The following THAP3 variants were observed in gnomAD, a reference collection of about 807,000 sequenced individuals.
THAP3 encodes THAP domain containing 3.
Under a neutral mutation model 17.7 loss-of-function variants are expected in THAP3, and 12 were observed. That is an observed-to-expected ratio of 0.68 (90% CI 0.43 to 1.10). THAP3 has a LOEUF of 1.10. Among genes scored for constraint, THAP3 ranks in the 50% least tolerant of loss-of-function variants. The probability of loss-of-function intolerance (pLI) is 0.00; values close to 1 mark genes in which losing one functional copy is unlikely to be tolerated. For synonymous variants in THAP3, 133 were observed against 126.9 expected, an observed-to-expected ratio of 1.05 and a Z score of -0.32; for missense variants, 289 against 318.0, an observed-to-expected ratio of 0.91 and a Z score of 0.69.
chr1:6,627,013 A>G (rs1480869611), intron 2 of THAP3, among the ~76,000 whole-genome samples: 1 of 152,192 alleles, frequency 6.6e-6, no homozygotes, highest in South Asian at 2.1e-4. Flanking sequence ...TCACATCACT[A>G]GTGAGCCTTG....
chr1:6,630,228 C>G, intron 3 of THAP3, 60 bp from the exon 4 acceptor site: 1 of 1,497,110 alleles, frequency 6.7e-7, no homozygotes, highest in South Asian at 1.1e-5. Flanking sequence ...ATGCCCGAGG[C>G]CTGCCCCGAG....
chr1:6,630,458 C>A, intron 4 of THAP3, 105 bp downstream of exon 4: 1 of 1,095,802 alleles, frequency 9.1e-7, no homozygotes, highest in Non-Finnish European at 1.4e-6. Flanking sequence ...TGTCGCCTTT[C>A]CTCATATGCC....
rs189625793 is a variant in THAP3, at chr1:6,629,197, G to A, written c.267+506G>A. Among the ~76,000 whole-genome samples the A allele has an allele frequency of 2.4e-3, 370 of 152,286 alleles. 1 individual carries two copies. Among genetic ancestry groups the A allele is most frequent in the African/African-American group, 8.2e-3 (342 of 41,572 alleles). ...GATGTGTGGGCCTGGCTCAGGAGAG[G>A]GCTCACAAAGAGTTGGATGCTGAAG... On this transcript the variant is annotated intron_variant, in intron 3 of 5. Coordinates refer to ENST00000054650, the MANE Select transcript of THAP3 (RefSeq NM_001195753.2).
At chr1:6,625,065 G>C (rs1256981135) in intron 1 of THAP3, 85 bp from the exon 2 acceptor site, 1 of 809,162 alleles carries the variant, frequency 1.2e-6, no homozygotes, top group East Asian at 3.2e-5. Context: ...GGGGAGACGC[G>C]GGTGGCTGGG....
chr1:6,632,530 C>T lies in THAP3; in HGVS notation c.438+35C>T, dbSNP rs372206556. 8.3e-5 allele frequency: 134 copies of T among 1,612,824 alleles called. No individual in the cohort carries two copies. In the African/African-American group the frequency reaches 1.6e-3, roughly 20 times the overall value. On this transcript the variant is annotated intron_variant, in intron 5 of 5. Coordinates refer to ENST00000054650, the MANE Select transcript of THAP3 (RefSeq NM_001195753.2). The stretch of plus-strand genomic sequence containing the variant: ...AGTGCAAAGGTGGTCTGTGGTTGGA[C>T]ACAAGATGACTTGCTCCAAACAAAA...
At position 6,633,230 on chromosome 1, in the gene THAP3, C is replaced by T. The variant is rs988691020; in HGVS notation, c.*153C>T. The T allele has an allele frequency of 1.5e-5, 21 of 1,444,480 alleles. No individual in the cohort carries two copies. The highest frequency in any genetic ancestry group is 1.1e-4 in the Admixed American group (4 of 35,408). 89.5% of individuals were successfully genotyped at this position (1,444,480 alleles called of 1,614,324 possible). On this transcript the variant is annotated 3_prime_UTR_variant, in exon 6 of 6. Transcript: ENST00000054650. Reference sequence around the variant, plus strand: ...GGATCGAGACAGTAGCCAAGCTCCCCGGCGAGAGCCCCAATGCCGTCTGGG... The same window carrying T: ...GGATCGAGACAGTAGCCAAGCTCCCTGGCGAGAGCCCCAATGCCGTCTGGG...
intron 2 of THAP3, among the ~76,000 whole-genome samples, chr1:6,627,163 C>T (rs764895893): frequency 6.6e-6 from 1 of 152,166 alleles, no homozygotes; most frequent in Non-Finnish European, 1.5e-5. Flanking sequence ...ATTTCCAGCA[C>T]TAAGTGTTGG....
At chr1:6,628,379 G>C (rs1641518153) in intron 2 of THAP3, 120 bp from the exon 3 acceptor site, 5 of 766,004 alleles carry the variant, frequency 6.5e-6, no homozygotes, top group Non-Finnish European at 8.1e-6. Context: ...AATAAACCGA[G>C]AGGACTGAAT....
chr1:6,633,385 C>G lies in THAP3; in HGVS notation c.*308C>G, dbSNP rs1570252584. On this transcript the variant is annotated 3_prime_UTR_variant, in exon 6 of 6. Transcript: ENST00000054650. ...CTTTCAGCACACGCAGAGCAAAGAT[C>G]GTTGGAAGCCCCAGTGTGGGAGATG... 6.5e-6 allele frequency: 8 copies of G among 1,235,886 alleles called. No individual in the cohort carries two copies. The highest frequency in any genetic ancestry group is 6.1e-6 in the Non-Finnish European group (6 of 978,882). The allele number at this position is 1,235,886 out of a possible 1,614,324, so 76.6% of individuals were successfully genotyped here. A position where few individuals can be genotyped will look rare whatever the true frequency, so the allele number is the denominator to read the frequency against.
chr1:6,632,683 C>T (rs777203095), intron 5 of THAP3, 113 bp from the exon 6 acceptor site: 24 of 1,462,416 alleles, frequency 1.6e-5, no homozygotes, highest in African/African-American at 7.0e-5. Context: ...GGGAGCAGCC[C>T]GGAGTGTCTA....
chr1:6,630,446 G>A, intron 4 of THAP3, 93 bp downstream of exon 4: 1 of 1,310,056 alleles, frequency 7.6e-7, no homozygotes. Flanking sequence ...GGCCCGCAGG[G>A]CTGTCGCCTT....
At chr1:6,631,498 G>A (rs1333964892) in intron 4 of THAP3, among the ~76,000 whole-genome samples, 1 of 152,078 alleles carries the variant, frequency 6.6e-6, no homozygotes, top group Non-Finnish European at 1.5e-5. Flanking sequence ...GCTGGGCGCA[G>A]TGGCTTGCGT....
intron 2 of THAP3, among the ~76,000 whole-genome samples, chr1:6,625,599 GC>G (rs990728216): frequency 2.2e-5 from 3 of 134,450 alleles, no homozygotes; most frequent in Non-Finnish European, 3.3e-5. Context: ...GGTCGCTGCA[GC>G]CCCCGCCGCG....
chr1:6,633,287 C>G lies in THAP3; in HGVS notation c.*210C>G. On this transcript the variant is annotated 3_prime_UTR_variant, in exon 6 of 6. Coordinates refer to ENST00000054650, the MANE Select transcript of THAP3 (RefSeq NM_001195753.2). ...TTAGAGGCGTGGCACTAGGAGTGCA[C>G]ATCTGTGAGCATGACAAGCTTATCC... 1 of 1,424,060 alleles carries G rather than the reference C, an allele frequency of 7.0e-7. No individual in the cohort carries two copies. 88.2% of individuals were successfully genotyped at this position (1,424,060 alleles called of 1,614,324 possible). A position where few individuals can be genotyped will look rare whatever the true frequency, so the allele number is the denominator to read the frequency against.
At chr1:6,625,325 C>T (rs1382915201) in intron 2 of THAP3, 33 bp downstream of exon 2, 1 of 1,512,900 alleles carries the variant, frequency 6.6e-7, no homozygotes, top group Non-Finnish European at 8.8e-7. Flanking sequence ...CGCGGGAGGC[C>T]CAGACCCGGG....
chr1:6,632,836 G>T lies in THAP3; in HGVS notation c.479G>T (p.Arg160Leu). The change falls in exon 6 of 6, where the codon CGG becomes CTG. Residue 160 changes from arginine to leucine, a missense_variant. Coordinates refer to ENST00000054650, the MANE Select transcript of THAP3 (RefSeq NM_001195753.2). ...CCGCAAGCAACAGAGGCTGTTGGCC[G>T]GCCGACTGGCCCTGCAGGCCTGAGA... Reference protein sequence around the residue: ...RRPQATEAVGRPTGPAGLRRT... With the variant: ...RRPQATEAVGLPTGPAGLRRT... The T allele has an allele frequency of 1.2e-6, 2 of 1,612,972 alleles. No homozygotes were observed. The highest frequency in any genetic ancestry group is 1.7e-6 in the Non-Finnish European group (2 of 1,179,908).
intron 4 of THAP3, among the ~76,000 whole-genome samples, chr1:6,631,401 G>C (rs1291467823): frequency 6.6e-6 from 1 of 152,264 alleles, no homozygotes; most frequent in Admixed American, 6.5e-5. Context: ...GCTGAGGCGG[G>C]TGGATGTCTT....
At chr1:6,625,323 G>T (rs1439923649) in intron 2 of THAP3, 31 bp downstream of exon 2, 1 of 1,513,396 alleles carries the variant, frequency 6.6e-7, no homozygotes, top group Non-Finnish European at 8.8e-7. Flanking sequence ...GGCGCGGGAG[G>T]CCCAGACCCG....
chr1:6,631,649 A>C (rs985420704), intron 4 of THAP3, among the ~76,000 whole-genome samples: 6 of 152,130 alleles, frequency 3.9e-5, no homozygotes, highest in Admixed American at 1.3e-4. Flanking sequence ...TCACACCTGT[A>C]ATCCTAGCAC....
Sources: gnomAD v4.1 joint callset for allele counts (sites outside exome capture counted in the v4.1 genomes callset) on GRCh38, gnomAD v4.1.1 for gene constraint, MANE v1.5 for transcripts, NCBI Gene and HGNC (gene_info 2026-07-23, HGNC 2026-07-21) for gene names.